CD59: variants seen among roughly 807,000 people sequenced by gnomAD.
CD59 encodes CD59 glycoprotein.
In CD59, 3 loss-of-function variants were observed where a neutral mutation model predicts 7.0. The ratio of observed to expected loss-of-function variants is 0.43; its 90% CI spans 0.19 to 1.10. The LOEUF (loss-of-function observed/expected upper bound fraction) is 1.10, where lower values mean the gene tolerates loss of function less well. Among genes scored for constraint, CD59 ranks in the 50% least tolerant of loss-of-function variants. The pLI is 0.29. For missense variants in CD59, 143 were observed against 151.0 expected, an observed-to-expected ratio of 0.95 and a Z score of 0.28; for synonymous variants, 60 against 62.0, an observed-to-expected ratio of 0.97 and a Z score of 0.15.
chr11:33,715,475 C>T (rs1853747312), intron 3 of CD59, among the ~76,000 whole-genome samples: 1 of 152,164 alleles, frequency 6.6e-6, no homozygotes, highest in Admixed American at 6.5e-5. Context: ...TGGCTTATGC[C>T]TGTAATCCCA....
At position 33,722,846 on chromosome 11, in the gene CD59, A is replaced by G. The variant is rs962745003; in HGVS notation, c.-18-383T>C. 6 of 932,292 alleles carry G rather than the reference A, an allele frequency of 6.4e-6. No individual in the cohort carries two copies. The African/African-American group carries it at 6.9e-5, about 11-fold the overall frequency. The allele number at this position is 932,292 out of a possible 1,614,324, so 57.8% of individuals were successfully genotyped here. ...GGAGCCACAGCACTAAGTGAATCAG[A>G]CCAAAGGGGTGACTCTGGAAGGCAC... is the stretch of plus-strand genomic sequence containing the variant. On this transcript the variant is annotated intron_variant, in intron 1 of 3. Transcript: ENST00000642928.
intron 3 of CD59, among the ~76,000 whole-genome samples, chr11:33,710,723 CT>C (rs796424873): frequency 9.1e-4 from 130 of 142,980 alleles, no homozygotes; most frequent in Middle Eastern, 3.6e-3. Flanking sequence ...CTTTTCTTTT[CT>C]TTTTTTTTTT....
At position 33,709,914 on chromosome 11, in the gene CD59, T is replaced by TA. The variant is rs1853464225; in HGVS notation, c.*211dup. ...GTTCAAGTCACACCTACTTCACTCT[T>TA]AGACTTCTTCCTTCAAGTGGGGCTT... On this transcript the variant is annotated 3_prime_UTR_variant, in exon 4 of 4. Transcript: ENST00000642928. 2 of 624,736 alleles carry TA rather than the reference T, an allele frequency of 3.2e-6. No homozygotes were observed. Among genetic ancestry groups the TA allele is most frequent in the Middle Eastern group, 4.2e-4 (1 of 2,356 alleles). The allele number at this position is 624,736 out of a possible 1,614,324, so 38.7% of individuals were successfully genotyped here.
rs1853365973 is a variant in CD59 at position 33,707,622 on chromosome 11, G to A, written c.*2504C>T. ...CAGGGTATTGGCTCTCGAGCAGAGA[G>A]CCAGTAGGCATGACTGGTGTTCGAT... is the stretch of plus-strand genomic sequence containing the variant. On this transcript the variant is annotated 3_prime_UTR_variant, in exon 4 of 4. Coordinates refer to ENST00000642928, the MANE Select transcript of CD59 (RefSeq NM_000611.6). 1 of 152,266 alleles carries A rather than the reference G, an allele frequency of 6.6e-6. No homozygotes were observed. The highest frequency in any genetic ancestry group is 1.5e-5 in the Non-Finnish European group (1 of 68,066). The allele number at this position is 152,266 out of a possible 1,614,324, so 9.4% of individuals were successfully genotyped here. A position where few individuals can be genotyped will look rare whatever the true frequency, so the allele number is the denominator to read the frequency against.
In CD59 at chr11:33,708,627, G is replaced by A. The variant is rs954415398; in HGVS notation, c.*1499C>T. 3 of 150,312 alleles carry A rather than the reference G, an allele frequency of 2.0e-5. No homozygotes were observed. Among genetic ancestry groups the A allele is most frequent in the African/African-American group, 7.3e-5 (3 of 40,870 alleles). The allele number at this position is 150,312 out of a possible 1,614,324, so 9.3% of individuals were successfully genotyped here. A position where few individuals can be genotyped will look rare whatever the true frequency, so the allele number is the denominator to read the frequency against. On this transcript the variant is annotated 3_prime_UTR_variant, in exon 4 of 4. Transcript: ENST00000642928. The stretch of plus-strand genomic sequence containing the variant: ...AAAAAAAAAAAAAAAACCTATTGAT[G>A]TAAGGAAAGACACTGAGCTAACAGA...
intron 2 of CD59, among the ~76,000 whole-genome samples, chr11:33,720,395 T>G (rs564866427): frequency 1.5e-4 from 23 of 152,246 alleles, no homozygotes; most frequent in Admixed American, 1.4e-3. Flanking sequence ...TGGTGGAAAC[T>G]GAGGTCAAAA....
chr11:33,728,303 G>GT (rs1235629553), intron 1 of CD59, among the ~76,000 whole-genome samples: 1 of 152,134 alleles, frequency 6.6e-6, no homozygotes, highest in Non-Finnish European at 1.5e-5. Context: ...AAACAGCATG[G>GT]TACTGGTACC....
At chr11:33,724,330 G>C (rs901937191) in intron 1 of CD59, among the ~76,000 whole-genome samples, 3 of 152,210 alleles carry the variant, frequency 2.0e-5, no homozygotes, top group Non-Finnish European at 4.4e-5. Flanking sequence ...ACCTTAGAAA[G>C]AAGTGGCCTG....
intron 3 of CD59, among the ~76,000 whole-genome samples, chr11:33,713,563 C>T (rs907853137): frequency 1.3e-5 from 2 of 152,204 alleles, no homozygotes; most frequent in African/African-American, 2.4e-5. Flanking sequence ...AACTAAATAA[C>T]TGGAAGCTTC....
chr11:33,707,803 G>A lies in CD59; in HGVS notation c.*2323C>T, dbSNP rs924330047. 5.9e-5 allele frequency: 9 copies of A among 152,220 alleles called. No homozygotes were observed. Among genetic ancestry groups the A allele is most frequent in the African/African-American group, 1.9e-4 (8 of 41,450 alleles). 9.4% of individuals were successfully genotyped at this position (152,220 alleles called of 1,614,324 possible). On this transcript the variant is annotated 3_prime_UTR_variant, in exon 4 of 4. Transcript: ENST00000642928. ...CACCTCTACCTTAAGCTTACCCAGC[G>A]TGAGGCCAGGTTAGAAAGTCACAGG... is the stretch of plus-strand genomic sequence containing the variant.
At chr11:33,733,265 T>A (rs1036386457) in intron 1 of CD59, among the ~76,000 whole-genome samples, 6 of 152,092 alleles carry the variant, frequency 3.9e-5, no homozygotes, top group African/African-American at 1.5e-4. Context: ...AATGGAAAGA[T>A]TAATAAACTT....
At chr11:33,713,773 C>G (rs1457819257) in intron 3 of CD59, among the ~76,000 whole-genome samples, 2 of 152,214 alleles carry the variant, frequency 1.3e-5, no homozygotes, top group Non-Finnish European at 2.9e-5. Context: ...TACCAAAGTG[C>G]TTTACTTGAA....
chr11:33,714,882 G>A (rs1184150975), intron 3 of CD59, among the ~76,000 whole-genome samples: 3 of 151,652 alleles, frequency 2.0e-5, no homozygotes, highest in East Asian at 3.9e-4. Flanking sequence ...TCCTGTCCTA[G>A]GAGAGCAATG....
At chr11:33,722,780 C>T (rs1165830880) in intron 1 of CD59, 3 of 1,037,942 alleles carry the variant, frequency 2.9e-6, no homozygotes, top group African/African-American at 1.7e-5. Flanking sequence ...ACTCTACTGG[C>T]CCCACCCCAA....
intron 1 of CD59, among the ~76,000 whole-genome samples, chr11:33,734,076 C>T (rs1854495089): frequency 6.6e-6 from 1 of 152,220 alleles, no homozygotes; most frequent in African/African-American, 2.4e-5. Flanking sequence ...TACCTAGTGT[C>T]AGCAATGTCA....
Position 33,709,977 on chromosome 11 carries a change from C to T in CD59, c.*149G>A, listed in dbSNP as rs1463366998. ...GACTGGTCTTCAAAGTCTCCCAGAG[C>T]CCCTCTATCTTAGCCAGGTTGCTCA... On this transcript the variant is annotated 3_prime_UTR_variant, in exon 4 of 4. Transcript: ENST00000642928. 1.4e-6 allele frequency: 1 copy of T among 712,392 alleles called. No individual in the cohort carries two copies. Among genetic ancestry groups the T allele is most frequent in the Non-Finnish European group, 2.5e-6 (1 of 399,658 alleles). The allele number at this position is 712,392 out of a possible 1,614,324, so 44.1% of individuals were successfully genotyped here.
At chr11:33,715,841 A>G (rs1166721500) in intron 3 of CD59, among the ~76,000 whole-genome samples, 2 of 152,224 alleles carry the variant, frequency 1.3e-5, no homozygotes, top group Non-Finnish European at 2.9e-5. Flanking sequence ...TGAAAAACAG[A>G]GGTGGAGAGA....
At chr11:33,712,264 T>C (rs1434690019) in intron 3 of CD59, among the ~76,000 whole-genome samples, 2 of 152,140 alleles carry the variant, frequency 1.3e-5, no homozygotes, top group African/African-American at 4.8e-5. Context: ...AAAGGCCAGA[T>C]GTATACACTC....
At chr11:33,723,612 T>C (rs929169322) in intron 1 of CD59, among the ~76,000 whole-genome samples, 3 of 152,188 alleles carry the variant, frequency 2.0e-5, no homozygotes, top group African/African-American at 7.2e-5. Context: ...TCCTTACAAA[T>C]TGAGGGCTCC....
Sources: gnomAD v4.1 joint callset for allele counts (sites outside exome capture counted in the v4.1 genomes callset) on GRCh38, gnomAD v4.1.1 for gene constraint, MANE v1.5 for transcripts, NCBI Gene and HGNC (gene_info 2026-07-23, HGNC 2026-07-21) for gene names.